Variants in METTL15 observed in about 807,000 individuals in gnomAD.
METTL15 encodes the protein methyltransferase 15, mitochondrial 12S rRNA N4-cytidine, also known as 12S rRNA N(4)-cytidine methyltransferase METTL15.
METTL15 carries 34 observed loss-of-function variants against 38.3 expected under a neutral mutation model. The observed-to-expected ratio is 0.89, with a 90% CI of 0.68 to 1.18. METTL15 has a LOEUF of 1.18. Among genes scored for constraint, METTL15 ranks in the 50% most tolerant of loss-of-function variants. The pLI is 0.00. For synonymous variants in METTL15, 162 were observed against 170.9 expected, an observed-to-expected ratio of 0.95 and a Z score of 0.41; for missense variants, 438 against 498.4, an observed-to-expected ratio of 0.88 and a Z score of 1.15.
downstream of METTL15, among the ~76,000 whole-genome samples, chr11:28,334,188 A>G (rs1193104646): frequency 5.3e-5 from 8 of 152,110 alleles, no homozygotes; most frequent in East Asian, 1.9e-4. Flanking sequence ...CTTTTTATAT[A>G]CCATCCCTTC....
At chr11:28,258,913 T>G (rs1229059594) in intron 4 of METTL15, among the ~76,000 whole-genome samples, 1 of 152,088 alleles carries the variant, frequency 6.6e-6, no homozygotes, top group African/African-American at 2.4e-5. Context: ...AAAGTCCATT[T>G]TACTTTTATG....
intron 5 of METTL15, among the ~76,000 whole-genome samples, chr11:28,379,815 C>T (rs182285093): frequency 2.2e-4 from 33 of 152,228 alleles, no homozygotes; most frequent in African/African-American, 7.0e-4. Flanking sequence ...GATTGTTGAA[C>T]GTTCTGCTAT....
intron 4 of METTL15, among the ~76,000 whole-genome samples, chr11:28,271,877 A>C (rs1459633844): frequency 1.3e-5 from 2 of 152,154 alleles, no homozygotes; most frequent in African/African-American, 4.8e-5. Flanking sequence ...TTTACAGAAA[A>C]AAACAACACC....
At chr11:28,496,734 T>C (rs1191415431) in intron 6 of METTL15, among the ~76,000 whole-genome samples, 1 of 152,320 alleles carries the variant, frequency 6.6e-6, no homozygotes, top group East Asian at 1.9e-4. Context: ...AATGTAAGTA[T>C]GAACTTGAGG....
intron 6 of METTL15, among the ~76,000 whole-genome samples, chr11:28,508,674 C>T (rs1455002989): frequency 2.0e-5 from 3 of 152,316 alleles, no homozygotes; most frequent in East Asian, 3.9e-4. Context: ...CTAATAGGCT[C>T]TCTCTTAATT....
At chr11:28,370,346 A>C (rs1203367878) in intron 5 of METTL15, among the ~76,000 whole-genome samples, 1 of 151,916 alleles carries the variant, frequency 6.6e-6, no homozygotes, top group African/African-American at 2.4e-5. Context: ...TTTATCTAGC[A>C]TAATTACCTA....
At chr11:28,519,995 C>T (rs1330173465) in intron 6 of METTL15, among the ~76,000 whole-genome samples, 1 of 152,124 alleles carries the variant, frequency 6.6e-6, no homozygotes, top group African/African-American at 2.4e-5. Context: ...TTTAGCATAT[C>T]ACTGGGGAAG....
At chr11:28,472,225 T>C (rs1851309664) in intron 6 of METTL15, among the ~76,000 whole-genome samples, 2 of 152,146 alleles carry the variant, frequency 1.3e-5, no homozygotes, top group African/African-American at 4.8e-5. Context: ...TCCTATTTAC[T>C]TTGAATATTT....
chr11:28,303,653 A>T (rs925078799), intron 6 of METTL15, among the ~76,000 whole-genome samples: 1 of 152,194 alleles, frequency 6.6e-6, no homozygotes, highest in Non-Finnish European at 1.5e-5. Flanking sequence ...AACTGGGTAC[A>T]TAACCAGAGA....
At chr11:28,508,350 A>C (rs1342420050) in intron 6 of METTL15, among the ~76,000 whole-genome samples, 1 of 152,204 alleles carries the variant, frequency 6.6e-6, no homozygotes, top group Admixed American at 6.5e-5. Context: ...GTTATATAAT[A>C]GCTGCCTAAC....
chr11:28,125,000 A>C (rs1852413437), intron 3 of METTL15, among the ~76,000 whole-genome samples: 1 of 152,154 alleles, frequency 6.6e-6, no homozygotes, highest in South Asian at 2.1e-4. Context: ...AACTACTTTT[A>C]TGAATGAAAA....
rs185070670 is a variant in METTL15, at chr11:28,141,055, G to A, written c.270+27451G>A. ...TATGCTGAGAACAGCAGTAGTTGCA[G>A]CAGAGATAGTGTTTAGTCATAGCAC... On this transcript the variant is annotated intron_variant, in intron 3 of 6. Transcript: ENST00000407364. 3.3e-3 allele frequency among the ~76,000 whole-genome samples: 510 copies of A among 152,306 alleles called. 6 individuals are homozygous for A. Among genetic ancestry groups the A allele is most frequent in the African/African-American group, 0.012 (492 of 41,574 alleles).
At chr11:28,379,899 G>A (rs552608821) in intron 5 of METTL15, among the ~76,000 whole-genome samples, 2 of 152,100 alleles carry the variant, frequency 1.3e-5, no homozygotes, top group African/African-American at 4.8e-5. Flanking sequence ...TCCAGTGATG[G>A]TTGTGTAGAT....
rs1476466841 is a variant in METTL15, at chr11:28,433,417, G to A, written c.*424+9053G>A. Among the ~76,000 whole-genome samples, 6 of 152,108 alleles carry A rather than the reference G, an allele frequency of 3.9e-5. No homozygotes were observed. The East Asian group carries it at 1.2e-3, about 29-fold the overall frequency. The stretch of plus-strand genomic sequence containing the variant: ...AGAGGAAGACCTCTGTTTGAACTTT[G>A]ACTCCATTGTGTTTTAGCTGGCTGA... On this transcript the variant is annotated intron_variant and NMD_transcript_variant, in intron 6 of 7. Coordinates refer to the METTL15 transcript ENST00000532947.
chr11:28,528,751 C>A (rs1423729771), downstream of METTL15, among the ~76,000 whole-genome samples: 5 of 152,142 alleles, frequency 3.3e-5, no homozygotes, highest in Non-Finnish European at 7.4e-5. Flanking sequence ...CGCATAGATA[C>A]TAAATATTGA....
intron 5 of METTL15, among the ~76,000 whole-genome samples, chr11:28,368,447 G>A (rs1194428457): frequency 2.6e-5 from 4 of 152,042 alleles, no homozygotes; most frequent in African/African-American, 4.8e-5. Context: ...CAAAACCACA[G>A]TGAGATACCA....
chr11:28,355,518 A>T (rs551831882), intron 4 of METTL15, among the ~76,000 whole-genome samples: 1 of 152,206 alleles, frequency 6.6e-6, no homozygotes, highest in Non-Finnish European at 1.5e-5. Flanking sequence ...GTATCCATGA[A>T]TTCCATATCC....
chr11:28,391,615 A>G (rs1850509166), intron 5 of METTL15, among the ~76,000 whole-genome samples: 1 of 152,188 alleles, frequency 6.6e-6, no homozygotes, highest in African/African-American at 2.4e-5. Flanking sequence ...ACCAAAACAG[A>G]GATATAGACC....
chr11:28,384,286 A>T (rs992262123), intron 5 of METTL15, among the ~76,000 whole-genome samples: 3 of 151,154 alleles, frequency 2.0e-5, no homozygotes, highest in Admixed American at 2.0e-4. Context: ...AAACATATGC[A>T]TGCAGATGTC....
Sources: allele counts gnomAD v4.1 joint callset (sites outside exome capture counted in the v4.1 genomes callset), GRCh38; gene constraint gnomAD v4.1.1; transcripts MANE v1.5; gene names NCBI Gene and HGNC (gene_info 2026-07-23, HGNC 2026-07-21).